The following CCNY variants were observed in gnomAD, a reference collection of about 807,000 sequenced individuals.
The protein encoded by CCNY is cyclin-Y.
CCNY carries 19 observed loss-of-function variants against 42.8 expected under a neutral mutation model. That is an observed-to-expected ratio of 0.44 (90% CI 0.31 to 0.65). CCNY has a LOEUF of 0.65. Among genes scored for constraint, CCNY ranks in the 30% least tolerant of loss-of-function variants. The probability of loss-of-function intolerance (pLI) is 0.07; values close to 1 mark genes in which losing one functional copy is unlikely to be tolerated. For missense variants in CCNY, 370 were observed against 437.3 expected (o/e 0.85, Z 1.37); for synonymous variants, 165 against 162.7 (o/e 1.01, Z -0.11).
intron 1 of CCNY, among the ~76,000 whole-genome samples, chr10:35,448,684 G>C (rs983747359): frequency 4.6e-5 from 7 of 152,032 alleles, no homozygotes; most frequent in Non-Finnish European, 7.4e-5. Context: ...GCATGCGCCT[G>C]GTGGGTTTGA....
chr10:35,266,320 A>G (rs11010150), intron 3 of CCNY, among the ~76,000 whole-genome samples: 146,107 of 147,076 alleles, frequency 0.99, 72,574 homozygotes, highest in East Asian at 1. Flanking sequence ...GGCTGGTCTC[A>G]AACTCCTGAC....
chr10:35,293,652 T>C (rs538759486), intron 3 of CCNY, among the ~76,000 whole-genome samples: 1 of 152,328 alleles, frequency 6.6e-6, no homozygotes, highest in African/African-American at 2.4e-5. Context: ...AAATGTTTTA[T>C]AGTTTTCAAA....
chr10:35,509,284 TG>T (rs900929592), intron 3 of CCNY, among the ~76,000 whole-genome samples: 22 of 152,226 alleles, frequency 1.4e-4, no homozygotes, highest in African/African-American at 5.1e-4. Context: ...TTTTGGGGGC[TG>T]GGGGTAGGGG....
At chr10:35,356,529 C>T (rs1338005352) in intron 1 of CCNY, among the ~76,000 whole-genome samples, 2 of 152,140 alleles carry the variant, frequency 1.3e-5, no homozygotes, top group African/African-American at 2.4e-5. Context: ...AAGCGTGCTT[C>T]ACATGGGGTG....
intron 4 of CCNY, 91 bp from the exon 5 acceptor site, chr10:35,525,872 GT>G: frequency 9.0e-7 from 1 of 1,114,900 alleles, no homozygotes; most frequent in Non-Finnish European, 1.3e-6. Flanking sequence ...TTTTACTTCT[GT>G]TTAAATATTT....
In CCNY at chr10:35,553,194, G is replaced by C. The variant is rs576939183; in HGVS notation, c.746+9G>C. The stretch of plus-strand genomic sequence containing the variant: ...ATCACGGTGGAGGACATGTGAGTTG[G>C]GGGGCAGAGGGTGTTGGTCATCAGA... On this transcript the variant is annotated intron_variant, in intron 8 of 9. Transcript: ENST00000374704. 3 of 1,612,464 alleles carry C rather than the reference G, an allele frequency of 1.9e-6. No individual in the cohort carries two copies. The highest frequency in any genetic ancestry group is 2.5e-6 in the Non-Finnish European group (3 of 1,178,638).
intron 3 of CCNY, among the ~76,000 whole-genome samples, chr10:35,310,573 TTG>T (rs1373699913): frequency 6.6e-6 from 1 of 152,220 alleles, no homozygotes; most frequent in Non-Finnish European, 1.5e-5. Flanking sequence ...TTGTTATTTT[TTG>T]TCTTTTTGAC....
At chr10:35,270,063 C>A (rs1835144643) in intron 3 of CCNY, among the ~76,000 whole-genome samples, 1 of 152,120 alleles carries the variant, frequency 6.6e-6, no homozygotes, top group Admixed American at 6.6e-5. Flanking sequence ...ATCAGAATGA[C>A]CTTTATTGTC....
intron 2 of CCNY, among the ~76,000 whole-genome samples, chr10:35,483,945 T>C (rs997409405): frequency 3.3e-5 from 5 of 152,254 alleles, no homozygotes; most frequent in South Asian, 2.1e-4. Flanking sequence ...TCTTTTTTTT[T>C]CCACCTCTAT....
intron 1 of CCNY, among the ~76,000 whole-genome samples, chr10:35,399,154 G>T (rs2135225486): frequency 6.6e-6 from 1 of 152,308 alleles, no homozygotes; most frequent in South Asian, 2.1e-4. Flanking sequence ...TAAAGTTCCT[G>T]CTTTTTAACC....
intron 1 of CCNY, among the ~76,000 whole-genome samples, chr10:35,381,323 G>C (rs1837178848): frequency 6.6e-6 from 1 of 152,184 alleles, no homozygotes; most frequent in Non-Finnish European, 1.5e-5. Flanking sequence ...ACTTTGGGAG[G>C]CCGAGGCGGG....
intron 3 of CCNY, among the ~76,000 whole-genome samples, chr10:35,277,975 G>C (rs1835258209): frequency 1.3e-5 from 2 of 152,178 alleles, no homozygotes; most frequent in African/African-American, 4.8e-5. Flanking sequence ...TGATCTCTAA[G>C]TGATGGGGTC....
At chr10:35,350,400 C>T (rs1373961982) in intron 1 of CCNY, among the ~76,000 whole-genome samples, 1 of 151,312 alleles carries the variant, frequency 6.6e-6, no homozygotes, top group African/African-American at 2.4e-5. Context: ...TCACAGTGGA[C>T]TTTTTTTTTG....
At chr10:35,363,024 G>A (rs1564382782) in intron 1 of CCNY, among the ~76,000 whole-genome samples, 2 of 147,724 alleles carry the variant, frequency 1.4e-5, no homozygotes, top group South Asian at 2.2e-4. Flanking sequence ...CCCAGGTGGT[G>A]GGCCGCCGGC....
chr10:35,293,119 G>A (rs565737172), intron 3 of CCNY, among the ~76,000 whole-genome samples: 22 of 152,196 alleles, frequency 1.4e-4, no homozygotes, highest in Non-Finnish European at 2.1e-4. Flanking sequence ...GCTCTTACCC[G>A]TAAGTCCTTA....
chr10:35,472,960 G>T (rs1169225185), intron 1 of CCNY, among the ~76,000 whole-genome samples: 1 of 152,100 alleles, frequency 6.6e-6, no homozygotes, highest in Non-Finnish European at 1.5e-5. Context: ...ATGCATGTTG[G>T]TCCATTTAAC....
chr10:35,405,961 A>G (rs1837750254), intron 1 of CCNY, among the ~76,000 whole-genome samples: 1 of 152,156 alleles, frequency 6.6e-6, no homozygotes, highest in South Asian at 2.1e-4. Flanking sequence ...TGGGGGAGGA[A>G]GTTCTAGAGG....
intron 3 of CCNY, among the ~76,000 whole-genome samples, chr10:35,512,963 G>C (rs1341838017): frequency 6.6e-6 from 1 of 152,134 alleles, no homozygotes; most frequent in Non-Finnish European, 1.5e-5. Context: ...ATGTACATGT[G>C]TGTATCCATG....
intron 3 of CCNY, among the ~76,000 whole-genome samples, chr10:35,301,759 A>T (rs1028915949): frequency 6.6e-6 from 1 of 152,008 alleles, no homozygotes; most frequent in South Asian, 2.1e-4. Context: ...CCTCCTGAGT[A>T]GCTGGGACAG....
Sources: gnomAD v4.1 joint callset for allele counts (sites outside exome capture counted in the v4.1 genomes callset) on GRCh38, gnomAD v4.1.1 for gene constraint, MANE v1.5 for transcripts, NCBI Gene and HGNC (gene_info 2026-07-23, HGNC 2026-07-21) for gene names.